The following RFX3 variants were observed in gnomAD, a reference collection of about 807,000 sequenced individuals.
RFX3 encodes the protein transcription factor RFX3.
RFX3 carries 14 observed loss-of-function variants against 98.6 expected under a neutral mutation model. That is an observed-to-expected ratio of 0.14 (90% CI 0.09 to 0.22). RFX3 has a LOEUF of 0.22. Ranked by LOEUF, RFX3 falls within the 10% of genes least tolerant of loss-of-function variation. RFX3 has a pLI of 1.00. For synonymous variants in RFX3, 383 were observed against 328.4 expected, an observed-to-expected ratio of 1.17 and a Z score of -1.80; for missense variants, 639 against 926.9, an observed-to-expected ratio of 0.69 and a Z score of 4.03.
Position 3,310,862 on chromosome 9 carries a change from A to G in RFX3, c.475-9242T>C, listed in dbSNP as rs368748825. 2.6e-5 allele frequency among the ~76,000 whole-genome samples: 4 copies of G among 152,222 alleles called. No individual in the cohort carries two copies. The South Asian group carries it at 6.2e-4, about 24-fold the overall frequency. ...TATTTCAAATTGTTGTAATGAAGTT[A>G]TCTTCTGAGGAGTGAGTGGCTTATA... On this transcript the variant is annotated intron_variant, in intron 4 of 16. Coordinates refer to ENST00000617270, the MANE Select transcript of RFX3 (RefSeq NM_001282116.2).
At chr9:3,368,312 T>C (rs370125584) in intron 2 of RFX3, among the ~76,000 whole-genome samples, 3 of 152,168 alleles carry the variant, frequency 2.0e-5, no homozygotes, top group South Asian at 2.1e-4. Context: ...AGCTTCACTT[T>C]GTTTGTGTGT....
At chr9:3,464,365 T>A (rs751758240) in intron 1 of RFX3, among the ~76,000 whole-genome samples, 7 of 152,198 alleles carry the variant, frequency 4.6e-5, no homozygotes, top group African/African-American at 1.7e-4. Context: ...TTATTCATAA[T>A]AGCTAAACCC....
intron 3 of RFX3, among the ~76,000 whole-genome samples, chr9:3,343,502 G>A (rs1834121974): frequency 6.6e-6 from 1 of 151,992 alleles, no homozygotes; most frequent in Admixed American, 6.6e-5. Context: ...ACCCTAAAAT[G>A]AACATTAGAG....
At chr9:3,240,668 G>C (rs1819790524) in intron 15 of RFX3, among the ~76,000 whole-genome samples, 1 of 152,128 alleles carries the variant, frequency 6.6e-6, no homozygotes, top group Non-Finnish European at 1.5e-5. Context: ...TTTATACAAG[G>C]ATGGTATAAA....
chr9:3,419,362 G>A (rs368440113), intron 1 of RFX3, among the ~76,000 whole-genome samples: 5 of 151,922 alleles, frequency 3.3e-5, no homozygotes, highest in African/African-American at 7.3e-5. Flanking sequence ...AATCTCATGG[G>A]TCTCTTATAT....
Position 3,224,990 on chromosome 9 carries a change from G to T in RFX3, c.*52C>A. 1 of 1,546,858 alleles carries T rather than the reference G, an allele frequency of 6.5e-7. No homozygotes were observed. Among genetic ancestry groups the T allele is most frequent in the Non-Finnish European group, 8.9e-7 (1 of 1,125,340 alleles). On this transcript the variant is annotated 3_prime_UTR_variant, in exon 17 of 17. Transcript: ENST00000617270. Reference sequence around the variant, plus strand: ...CAGGCTTATTAAATTTTCAACTTAAGCCCAATATCAACAGGGTTAATGTAA... The same window carrying T: ...CAGGCTTATTAAATTTTCAACTTAATCCCAATATCAACAGGGTTAATGTAA...
chr9:3,277,092 T>C (rs1473182535), intron 8 of RFX3, among the ~76,000 whole-genome samples: 1 of 152,002 alleles, frequency 6.6e-6, no homozygotes, highest in Non-Finnish European at 1.5e-5. Context: ...TGGAAAACAA[T>C]TTCATAGCAA....
chr9:3,286,998 T>C (rs1826692133), intron 7 of RFX3, among the ~76,000 whole-genome samples: 1 of 151,984 alleles, frequency 6.6e-6, no homozygotes, highest in Admixed American at 6.6e-5. Flanking sequence ...TGATAGTTCC[T>C]TGATCAAAGT....
chr9:3,292,685 A>G (rs1002920172), intron 6 of RFX3, among the ~76,000 whole-genome samples: 1 of 152,182 alleles, frequency 6.6e-6, no homozygotes, highest in Non-Finnish European at 1.5e-5. Flanking sequence ...TCCATTTACT[A>G]TGTCACTTAA....
At chr9:3,350,229 T>C (rs1290420578) in intron 2 of RFX3, among the ~76,000 whole-genome samples, 1 of 152,118 alleles carries the variant, frequency 6.6e-6, no homozygotes, top group Non-Finnish European at 1.5e-5. Context: ...TGATTAAGGA[T>C]TGTTATCCAA....
chr9:3,338,408 G>A (rs755448332), intron 3 of RFX3, among the ~76,000 whole-genome samples: 8 of 152,128 alleles, frequency 5.3e-5, no homozygotes, highest in Non-Finnish European at 1.2e-4. Flanking sequence ...TCTCCTTCAT[G>A]TGTAGTATTT....
At chr9:3,310,283 A>T (rs1487146429) in intron 4 of RFX3, among the ~76,000 whole-genome samples, 5 of 152,154 alleles carry the variant, frequency 3.3e-5, no homozygotes, top group Non-Finnish European at 5.9e-5. Context: ...AATGTCCCAA[A>T]CAGAATATCA....
At chr9:3,472,996 T>G (rs1310258689) in intron 1 of RFX3, among the ~76,000 whole-genome samples, 2 of 152,184 alleles carry the variant, frequency 1.3e-5, no homozygotes, top group African/African-American at 4.8e-5. Flanking sequence ...GTTAAAAATA[T>G]AGTAATAATT....
At chr9:3,469,096 T>C (rs899012989) in intron 1 of RFX3, 4 of 412,940 alleles carry the variant, frequency 9.7e-6, no homozygotes, top group Middle Eastern at 3.4e-4. Flanking sequence ...CCCAGACTAT[T>C]GGTTACAATG....
chr9:3,268,945 C>G (rs977964525), intron 11 of RFX3, among the ~76,000 whole-genome samples: 3 of 151,908 alleles, frequency 2.0e-5, no homozygotes, highest in African/African-American at 7.2e-5. Context: ...GGCTAATGAG[C>G]TACCCTATGC....
chr9:3,460,109 C>T (rs907264746), intron 1 of RFX3, among the ~76,000 whole-genome samples: 2 of 152,018 alleles, frequency 1.3e-5, no homozygotes, highest in African/African-American at 4.8e-5. Flanking sequence ...CTCTTGCCTT[C>T]TACCATTACT....
chr9:3,523,722 A>G (rs909916679), intron 1 of RFX3, among the ~76,000 whole-genome samples: 2 of 152,172 alleles, frequency 1.3e-5, no homozygotes, highest in Non-Finnish European at 2.9e-5. Flanking sequence ...AGGACCCAGG[A>G]GCTTCACCAT....
intron 3 of RFX3, 103 bp downstream of exon 3, chr9:3,346,564 C>G (rs1319809706): frequency 1.3e-6 from 1 of 742,880 alleles, no homozygotes; most frequent in Admixed American, 2.0e-5. Flanking sequence ...TAGAAAATTA[C>G]TTTGAAAACA....
At chr9:3,371,764 GTAA>G (rs1486890100) in intron 2 of RFX3, among the ~76,000 whole-genome samples, 2 of 152,184 alleles carry the variant, frequency 1.3e-5, no homozygotes, top group Non-Finnish European at 2.9e-5. Flanking sequence ...CAGAAGGCTA[GTAA>G]TAATAGTCTT....
Sources: allele counts gnomAD v4.1 joint callset (sites outside exome capture counted in the v4.1 genomes callset), GRCh38; gene constraint gnomAD v4.1.1; transcripts MANE v1.5; gene names NCBI Gene and HGNC (gene_info 2026-07-23, HGNC 2026-07-21).